DUSP22: variants seen among roughly 807,000 people sequenced by gnomAD.
The protein encoded by DUSP22 is dual specificity protein phosphatase 22.
DUSP22 carries 24 observed loss-of-function variants against 24.5 expected under a neutral mutation model. The observed-to-expected ratio is 0.98, with a 90% CI of 0.71 to 1.38. DUSP22 has a LOEUF of 1.38. Ranked by LOEUF, DUSP22 falls within the 40% of genes most tolerant of loss-of-function variation. The pLI, the probability that DUSP22 is intolerant of heterozygous loss-of-function variation, is 0.00. For missense variants in DUSP22, 330 were observed against 269.2 expected, an observed-to-expected ratio of 1.23 and a Z score of -1.58; for synonymous variants, 160 against 106.4, an observed-to-expected ratio of 1.50 and a Z score of -3.10.
intron 4 of DUSP22, among the ~76,000 whole-genome samples, chr6:339,623 G>T (rs1353342350): frequency 1.3e-5 from 2 of 152,412 alleles, no homozygotes; most frequent in South Asian, 4.1e-4. Flanking sequence ...CATCATTGCA[G>T]TAGCGCCTTT....
chr6:345,866 C>A lies in DUSP22; in HGVS notation c.201C>A (p.Phe67Leu), dbSNP rs1234723724. 6.2e-7 allele frequency: 1 copy of A among 1,614,102 alleles called. No homozygotes were observed. Among genetic ancestry groups the A allele is most frequent in the African/African-American group, 1.3e-5 (1 of 74,960 alleles). The change falls in exon 5 of 7, where the codon TTC becomes TTA. Residue 67 changes from phenylalanine (F) to leucine (L), a missense_variant. Physicochemically the swap from Phe to Leu is conservative, Grantham distance 22 (BLOSUM62 0). Transcript: ENST00000419235. ...DSPSQNLTRH[F>L]KESIKFIHEC... is the part of the protein sequence containing the mutation. ...TTTCTTTTCCCAGGACAAGACATTT[C>A]AAAGAAAGTATTAAATTCATTCACG...
intron 2 of DUSP22, among the ~76,000 whole-genome samples, chr6:305,733 G>A (rs1258594841): frequency 2.0e-5 from 3 of 152,298 alleles, no homozygotes; most frequent in Non-Finnish European, 4.4e-5. Flanking sequence ...GAGATGAGGG[G>A]CCCTTAATAG....
intron 2 of DUSP22, among the ~76,000 whole-genome samples, chr6:305,465 C>T (rs1757780135): frequency 6.6e-6 from 1 of 152,298 alleles, no homozygotes; most frequent in African/African-American, 2.4e-5. Context: ...GAAGCCTGTT[C>T]TTTTTAAGTC....
chr6:320,526 A>G (rs1319565024), intron 3 of DUSP22, among the ~76,000 whole-genome samples: 2 of 152,310 alleles, frequency 1.3e-5, no homozygotes, highest in Admixed American at 6.5e-5. Flanking sequence ...GACTGAGTGT[A>G]GTGTGCATAG....
intron 3 of DUSP22, among the ~76,000 whole-genome samples, chr6:312,788 T>C (rs753147558): frequency 6.6e-6 from 1 of 152,306 alleles, no homozygotes; most frequent in African/African-American, 2.4e-5. Context: ...CTATTTTCTT[T>C]AGCCATTAGG....
chr6:350,371 C>T lies in DUSP22; in HGVS notation c.*1420C>T, dbSNP rs3800260. The T allele has an allele frequency of 0.014, 14,763 of 1,063,396 alleles. 12 individuals carry two copies. The East Asian group carries it at 0.17, about 12-fold the overall frequency. 65.9% of individuals were successfully genotyped at this position (1,063,396 alleles called of 1,614,324 possible). ...CTAGTCCTTTATACCGACTCAGATT[C>T]CTTAAGCATGCAGAGTCACTCGAAT... On this transcript the variant is annotated 3_prime_UTR_variant, in exon 7 of 7. Coordinates refer to ENST00000419235, the MANE Select transcript of DUSP22 (RefSeq NM_001286555.3).
chr6:335,100 T>A lies in DUSP22; in HGVS notation c.139-14T>A, dbSNP rs1759304652. ...GTTTTTATTTTTATGTATTTACTTT[T>A]TATTATTCTGCAGGGAGTTAAATAC... On this transcript the variant is annotated splice_polypyrimidine_tract_variant and intron_variant, in intron 3 of 6. Coordinates refer to ENST00000419235, the MANE Select transcript of DUSP22 (RefSeq NM_001286555.3). 8 of 1,612,286 alleles carry A rather than the reference T, an allele frequency of 5.0e-6. No individual in the cohort carries two copies. The highest frequency in any genetic ancestry group is 6.8e-6 in the Non-Finnish European group (8 of 1,178,922).
rs1759840069 is a variant in DUSP22, at chr6:345,852, A to G, written c.189-2A>G. The G allele has an allele frequency of 3.1e-6, 5 of 1,614,084 alleles. No individual in the cohort carries two copies. The highest frequency in any genetic ancestry group is 3.4e-6 in the Non-Finnish European group (4 of 1,179,964). On this transcript the variant is annotated splice_acceptor_variant, in intron 4 of 6. Coordinates refer to ENST00000419235, the MANE Select transcript of DUSP22 (RefSeq NM_001286555.3). LOFTEE classifies it high-confidence loss of function. ...GTCATTTCTCTTTTTTTCTTTTCCC[A>G]GGACAAGACATTTCAAAGAAAGTAT...
intron 1 of DUSP22, among the ~76,000 whole-genome samples, chr6:297,778 GCT>G (rs1296746614): frequency 1.3e-5 from 2 of 152,302 alleles, no homozygotes; most frequent in Non-Finnish European, 2.9e-5. Flanking sequence ...GGGTTGAGAA[GCT>G]CTGTTTTCAT....
chr6:342,038 T>C (rs1228634894), intron 4 of DUSP22, among the ~76,000 whole-genome samples: 1 of 152,308 alleles, frequency 6.6e-6, no homozygotes, highest in Non-Finnish European at 1.5e-5. Context: ...TAAGAAGTGG[T>C]CCCCACTCCA....
intron 2 of DUSP22, among the ~76,000 whole-genome samples, chr6:311,066 A>G (rs1208473306): frequency 6.6e-6 from 1 of 152,308 alleles, no homozygotes; most frequent in African/African-American, 2.4e-5. Context: ...TTTTTAAAGA[A>G]AAAAAGACGA....
chr6:304,648 C>T lies in DUSP22; in HGVS notation c.42C>T (p.Ile14=), dbSNP rs762921083. The T allele has an allele frequency of 3.3e-5, 53 of 1,614,080 alleles. No homozygotes were observed. The Middle Eastern group carries it at 4.9e-4, about 15-fold the overall frequency. Residue 14 remains isoleucine, a synonymous_variant, in exon 2 of 7, where the codon ATC becomes ATT. Coordinates refer to ENST00000419235, the MANE Select transcript of DUSP22 (RefSeq NM_001286555.3). ...CCTAGATCCTGCCCGGCCTGTACAT[C>T]GGCAACTTCAAAGGTGAGTTCTTGC... ...GMNKILPGLY[I]GNFKDARDAE...
intron 4 of DUSP22, among the ~76,000 whole-genome samples, chr6:340,293 C>A (rs921809361): frequency 2.0e-5 from 3 of 152,304 alleles, no homozygotes; most frequent in Non-Finnish European, 2.9e-5. Flanking sequence ...GCTGATAGGG[C>A]AGCTCCACCA....
At chr6:342,091 T>C (rs927492354) in intron 4 of DUSP22, among the ~76,000 whole-genome samples, 10 of 152,306 alleles carry the variant, frequency 6.6e-5, no homozygotes, top group Non-Finnish European at 1.3e-4. Context: ...TACAAGACCT[T>C]GGTGAGGTTC....
intron 5 of DUSP22, among the ~76,000 whole-genome samples, chr6:346,335 T>G: frequency 6.6e-6 from 1 of 152,308 alleles, no homozygotes; most frequent in East Asian, 1.9e-4. Flanking sequence ...GAGACTTGAT[T>G]GCAAATGTGG....
chr6:328,590 C>G (rs905645347), intron 3 of DUSP22, among the ~76,000 whole-genome samples: 1 of 152,304 alleles, frequency 6.6e-6, no homozygotes, highest in Non-Finnish European at 1.5e-5. Flanking sequence ...GCTCCCTCCC[C>G]GCCCCATCAG....
At chr6:315,095 A>G (rs1758283784) in intron 3 of DUSP22, among the ~76,000 whole-genome samples, 1 of 152,302 alleles carries the variant, frequency 6.6e-6, no homozygotes, top group Admixed American at 6.5e-5. Flanking sequence ...CTGGACCATG[A>G]TGGGTGAGGT....
In DUSP22 at chr6:351,031, T is replaced by C; in HGVS notation, c.*2080T>C. Reference sequence around the variant, plus strand: ...TCATGTTTATGTTGAGAACTAAGGATATTCTTTAGCAAGAGAAAATATTTT... The same window carrying C: ...TCATGTTTATGTTGAGAACTAAGGACATTCTTTAGCAAGAGAAAATATTTT... On this transcript the variant is annotated 3_prime_UTR_variant, in exon 7 of 7. Coordinates refer to ENST00000419235, the MANE Select transcript of DUSP22 (RefSeq NM_001286555.3). 1.9e-6 allele frequency: 2 copies of C among 1,074,620 alleles called. No individual in the cohort carries two copies. Among genetic ancestry groups the C allele is most frequent in the Non-Finnish European group, 2.7e-6 (2 of 737,742 alleles). The allele number at this position is 1,074,620 out of a possible 1,614,324, so 66.6% of individuals were successfully genotyped here.
chr6:324,037 GT>G (rs1188695135), intron 3 of DUSP22, among the ~76,000 whole-genome samples: 1 of 152,294 alleles, frequency 6.6e-6, no homozygotes, highest in Non-Finnish European at 1.5e-5. Context: ...ATTTCCAAGT[GT>G]TTTTGGTTTT....
Sources: gnomAD v4.1 joint callset for allele counts (sites outside exome capture counted in the v4.1 genomes callset) on GRCh38, gnomAD v4.1.1 for gene constraint, MANE v1.5 for transcripts, NCBI Gene and HGNC (gene_info 2026-07-23, HGNC 2026-07-21) for gene names.